ADAM32: variants seen among roughly 807,000 people sequenced by gnomAD.
ADAM32 encodes ADAM metallopeptidase domain 32, also known as disintegrin and metalloproteinase domain-containing protein 32.
ADAM32 carries 89 observed loss-of-function variants against 114.9 expected under a neutral mutation model. The ratio of observed to expected loss-of-function variants is 0.77; its 90% confidence interval spans 0.65 to 0.92. ADAM32 has a LOEUF of 0.92. Ranked by LOEUF, ADAM32 falls within the 40% of genes least tolerant of loss-of-function variation. The pLI is 0.00. For synonymous variants in ADAM32, 285 were observed against 307.5 expected (o/e 0.93, Z 0.77); for missense variants, 870 against 932.8 (o/e 0.93, Z 0.88).
chr8:39,247,487 TA>T (rs1280754391), intron 17 of ADAM32, among the ~76,000 whole-genome samples: 1 of 151,960 alleles, frequency 6.6e-6, no homozygotes, highest in Admixed American at 6.6e-5. Flanking sequence ...ATTTTCCATC[TA>T]TTTTTTTTTG....
chr8:39,192,966 C>T (rs1806702938), intron 11 of ADAM32, among the ~76,000 whole-genome samples: 1 of 152,102 alleles, frequency 6.6e-6, no homozygotes, highest in Non-Finnish European at 1.5e-5. Flanking sequence ...TTCACTTTGA[C>T]CTTGGAGAAT....
At chr8:39,240,839 C>T (rs1450127998) in intron 16 of ADAM32, among the ~76,000 whole-genome samples, 1 of 152,174 alleles carries the variant, frequency 6.6e-6, no homozygotes, top group Non-Finnish European at 1.5e-5. Flanking sequence ...CCATATCATT[C>T]AGCCCAAATC....
At chr8:39,188,957 T>A (rs1488513472) in intron 11 of ADAM32, among the ~76,000 whole-genome samples, 1 of 152,158 alleles carries the variant, frequency 6.6e-6, no homozygotes, top group Non-Finnish European at 1.5e-5. Context: ...TATTTCAATT[T>A]AATGTGTTTA....
At chr8:39,129,057 T>G (rs1302873732) in intron 2 of ADAM32, among the ~76,000 whole-genome samples, 2 of 152,184 alleles carry the variant, frequency 1.3e-5, no homozygotes, top group Non-Finnish European at 2.9e-5. Context: ...TACACATTGA[T>G]TTTTGTTTAT....
intron 14 of ADAM32, 41 bp from the exon 15 acceptor site, chr8:39,231,986 C>T (rs758832109): frequency 1.4e-6 from 2 of 1,473,534 alleles, no homozygotes; most frequent in South Asian, 1.2e-5. Context: ...GATGAAAAAC[C>T]AATAAACATT....
chr8:39,158,438 A>T, intron 6 of ADAM32: 1 of 193,858 alleles, frequency 5.2e-6, no homozygotes, highest in Non-Finnish European at 1.1e-5. Context: ...GTAGCCCAGG[A>T]TGCCTACTAC....
At chr8:39,183,007 C>A (rs35544330) in intron 10 of ADAM32, among the ~76,000 whole-genome samples, 6,343 of 152,244 alleles carry the variant, frequency 0.042, 153 homozygotes, top group Middle Eastern at 0.092. Flanking sequence ...GCTCCGTGGT[C>A]TAGTGAGACC....
intron 1 of ADAM32, among the ~76,000 whole-genome samples, chr8:39,108,675 C>G (rs1286911554): frequency 6.6e-6 from 1 of 152,074 alleles, no homozygotes; most frequent in African/African-American, 2.4e-5. Context: ...ACGGGCATAT[C>G]CAAACATTTT....
chr8:39,199,032 C>G (rs191772975), intron 11 of ADAM32, among the ~76,000 whole-genome samples: 24 of 151,958 alleles, frequency 1.6e-4, no homozygotes, highest in Admixed American at 1.4e-3. Flanking sequence ...TGAATATATA[C>G]TTTCATTCTC....
chr8:39,137,730 C>T (rs897870832), intron 3 of ADAM32, among the ~76,000 whole-genome samples: 6 of 148,540 alleles, frequency 4.0e-5, no homozygotes, highest in Non-Finnish European at 7.4e-5. Flanking sequence ...GAGATGGTGC[C>T]ACTGCACGCC....
intron 9 of ADAM32, chr8:39,168,523 A>T (rs1804991568): frequency 6.6e-6 from 1 of 152,322 alleles, no homozygotes; most frequent in East Asian, 1.9e-4. Context: ...GGGAATGCTG[A>T]GTTGGTCATG....
At chr8:39,248,317 A>G (rs1467343710) in intron 17 of ADAM32, among the ~76,000 whole-genome samples, 1 of 152,198 alleles carries the variant, frequency 6.6e-6, no homozygotes, top group African/African-American at 2.4e-5. Context: ...CTTTCTATCC[A>G]TTCACATGTA....
intron 22 of ADAM32, among the ~76,000 whole-genome samples, chr8:39,278,861 C>A (rs545114633): frequency 6.6e-6 from 1 of 151,952 alleles, no homozygotes; most frequent in Non-Finnish European, 1.5e-5. Flanking sequence ...CTTTTTTTAT[C>A]CACACTGAAT....
chr8:39,234,553 A>C (rs1398771254), intron 16 of ADAM32, among the ~76,000 whole-genome samples: 1 of 152,208 alleles, frequency 6.6e-6, no homozygotes, highest in Admixed American at 6.5e-5. Context: ...CTGTACATAA[A>C]GTAGGGATAA....
rs755012464 is a variant in ADAM32, at chr8:39,131,157, C to T, written c.139-5500C>T. The stretch of plus-strand genomic sequence containing the variant: ...ATTTTTAGTAGAGAGGGGATTTCAC[C>T]GTGTTAGCCAGGATGGTCTCGATCT... On this transcript the variant is annotated intron_variant, in intron 2 of 24. Coordinates refer to ENST00000379907, the MANE Select transcript of ADAM32 (RefSeq NM_145004.7). Among the ~76,000 whole-genome samples the T allele has an allele frequency of 7.9e-5, 12 of 152,070 alleles. No homozygotes were observed. In the South Asian group the frequency reaches 8.3e-4, roughly 11 times the overall value.
chr8:39,158,036 C>A, intron 6 of ADAM32: 1 of 268,036 alleles, frequency 3.7e-6, no homozygotes, highest in Non-Finnish European at 7.4e-6. Flanking sequence ...TGACTGGTGA[C>A]CTCTTTGTAG....
chr8:39,284,151 T>C (rs1190302507), intron 24 of ADAM32, among the ~76,000 whole-genome samples: 1 of 152,204 alleles, frequency 6.6e-6, no homozygotes, highest in Non-Finnish European at 1.5e-5. Context: ...GTCTGTTTTT[T>C]TTCAGTTTAG....
intron 1 of ADAM32, among the ~76,000 whole-genome samples, chr8:39,117,813 T>C (rs368834664): frequency 6.6e-6 from 1 of 152,178 alleles, no homozygotes; most frequent in Non-Finnish European, 1.5e-5. Flanking sequence ...GAAAAAGTTT[T>C]TGAAGTATGT....
intron 2 of ADAM32, 78 bp downstream of exon 2, chr8:39,118,243 G>T: frequency 1.1e-6 from 1 of 876,796 alleles, no homozygotes; most frequent in South Asian, 2.8e-5. Context: ...AATATGTCAA[G>T]CCCATTTTAA....
Sources: gnomAD v4.1 joint callset for allele counts (sites outside exome capture counted in the v4.1 genomes callset) on GRCh38, gnomAD v4.1.1 for gene constraint, MANE v1.5 for transcripts, NCBI Gene and HGNC (gene_info 2026-07-23, HGNC 2026-07-21) for gene names.